CLPTM1: variants seen among roughly 807,000 people sequenced by gnomAD.
CLPTM1 encodes putative lipid scramblase CLPTM1.
Under a neutral mutation model 77.3 loss-of-function variants are expected in CLPTM1, and 21 were observed. The ratio of observed to expected loss-of-function variants is 0.27; its 90% CI spans 0.19 to 0.39. The LOEUF (loss-of-function observed/expected upper bound fraction) is 0.39, where lower values mean the gene tolerates loss of function less well. Ranked by LOEUF, CLPTM1 falls within the 10% of genes least tolerant of loss-of-function variation. The pLI, the probability that CLPTM1 is intolerant of heterozygous loss-of-function variation, is 1.00. For synonymous variants in CLPTM1, 373 were observed against 381.0 expected, an observed-to-expected ratio of 0.98 and a Z score of 0.24; for missense variants, 642 against 921.2, an observed-to-expected ratio of 0.70 and a Z score of 3.92.
chr19:44,980,293 G>A (rs1406710874), intron 5 of CLPTM1, among the ~76,000 whole-genome samples: 1 of 152,102 alleles, frequency 6.6e-6, no homozygotes, highest in Non-Finnish European at 1.5e-5. Context: ...CAGATCACTT[G>A]AGGTCAGGAC....
chr19:44,992,414 G>C lies in CLPTM1; in HGVS notation c.1723+14G>C, dbSNP rs1971089575. ...GCCTGCGGGACGGTGAGGCCCGGTGGGCAGGTGGGAGCTCCCACCGGAACA... is the reference window on the plus strand; with the variant it reads ...GCCTGCGGGACGGTGAGGCCCGGTGCGCAGGTGGGAGCTCCCACCGGAACA... On this transcript the variant is annotated intron_variant, in intron 13 of 13. Transcript: ENST00000337392. This position sits in a 1 kb window ranked among gnomAD's most constrained non-coding sequence, Gnocchi z 7.7. 6.2e-7 allele frequency: 1 copy of C among 1,613,886 alleles called. No individual in the cohort carries two copies. The highest frequency in any genetic ancestry group is 2.2e-5 in the East Asian group (1 of 44,862).
At chr19:44,985,001 T>C (rs1338330438) in intron 5 of CLPTM1, among the ~76,000 whole-genome samples, 1 of 152,034 alleles carries the variant, frequency 6.6e-6, no homozygotes, top group Admixed American at 6.6e-5. Flanking sequence ...CCTGGGGCAT[T>C]TGGTGATGGT....
rs769758877 is a variant in CLPTM1 at position 44,988,127 on chromosome 19, C to A, written c.1086C>A (p.Ile362=). Residue 362 remains isoleucine, a synonymous_variant, in exon 9 of 14, where the codon ATC becomes ATA. Transcript: ENST00000337392. ...CCTACCTGCTGGCGCTCACCATCATCGTGTCTATCGTTCACAGTGTCTTCG... is the reference window on the plus strand; with the variant it reads ...CCTACCTGCTGGCGCTCACCATCATAGTGTCTATCGTTCACAGTGTCTTCG... ...TNPYLLALTI[I]VSIVHSVFEF... 6.2e-7 allele frequency: 1 copy of A among 1,614,170 alleles called. No homozygotes were observed. Among genetic ancestry groups the A allele is most frequent in the East Asian group, 2.2e-5 (1 of 44,876 alleles).
In CLPTM1 at chr19:44,991,453, A is replaced by G; in HGVS notation, c.1555+80A>G. On this transcript the variant is annotated intron_variant, in intron 12 of 13. Transcript: ENST00000337392. The surrounding 1 kb of genome is among the most constrained non-coding windows in gnomAD (Gnocchi z 5.4). ...CAGCCCCAGTGTAGGAGACAGACCC[A>G]TCCCCAGACAGGGACAACCTAGGGT... 6.5e-7 allele frequency: 1 copy of G among 1,540,614 alleles called. No individual in the cohort carries two copies. Among genetic ancestry groups the G allele is most frequent in the Non-Finnish European group, 8.8e-7 (1 of 1,135,096 alleles).
Position 44,993,249 on chromosome 19 carries a change from C to G in CLPTM1, c.*352C>G. 2.0e-6 allele frequency: 1 copy of G among 504,540 alleles called. No individual in the cohort carries two copies. The highest frequency in any genetic ancestry group is 3.8e-6 in the Non-Finnish European group (1 of 262,046). 31.3% of individuals were successfully genotyped at this position (504,540 alleles called of 1,614,324 possible). A position where few individuals can be genotyped will look rare whatever the true frequency, so the allele number is the denominator to read the frequency against. On this transcript the variant is annotated 3_prime_UTR_variant, in exon 14 of 14. Coordinates refer to ENST00000337392, the MANE Select transcript of CLPTM1 (RefSeq NM_001294.4). ...GCCCACGGCCGTTCATCATCTTGTC[C>G]CTCGTCCCCCTACCACACTCCCCCT...
chr19:44,958,076 A>G (rs1029505036), intron 1 of CLPTM1, among the ~76,000 whole-genome samples: 1 of 152,154 alleles, frequency 6.6e-6, no homozygotes, highest in African/African-American at 2.4e-5. Flanking sequence ...AGGGGTGGGT[A>G]GAAGAGTTGC....
In CLPTM1 at chr19:44,992,164, GC is replaced by G. The variant is rs1173887184; in HGVS notation, c.1556-67del. The G allele has an allele frequency of 1.0e-5, 16 of 1,527,156 alleles. No homozygotes were observed. Among genetic ancestry groups the G allele is most frequent in the Non-Finnish European group, 1.2e-5 (13 of 1,108,256 alleles). 94.6% of individuals were successfully genotyped at this position (1,527,156 alleles called of 1,614,324 possible). ...AGGAAGTGGTGAGGGGGCTGGTATG[GC>G]CAGTGCAGAGTGCACAGGGGAGAGG... is the stretch of plus-strand genomic sequence containing the variant. On this transcript the variant is annotated intron_variant, in intron 12 of 13. Coordinates refer to ENST00000337392, the MANE Select transcript of CLPTM1 (RefSeq NM_001294.4). This position sits in a 1 kb window ranked among gnomAD's most constrained non-coding sequence, Gnocchi z 7.7.
intron 4 of CLPTM1, 127 bp downstream of exon 4, chr19:44,974,724 C>T (rs1365648715): frequency 8.4e-6 from 9 of 1,066,118 alleles, no homozygotes; most frequent in African/African-American, 1.6e-5. Context: ...TCCCTGGGCT[C>T]ACATGGTCTG....
chr19:44,959,646 G>A (rs141060742), intron 1 of CLPTM1, among the ~76,000 whole-genome samples: 41 of 152,308 alleles, frequency 2.7e-4, no homozygotes, highest in East Asian at 9.6e-4. Context: ...GAGCCACTGC[G>A]CCTGGTCTGG....
intron 5 of CLPTM1, among the ~76,000 whole-genome samples, chr19:44,979,590 AT>A (rs966542890): frequency 4.1e-4 from 62 of 151,808 alleles, no homozygotes; most frequent in Non-Finnish European, 7.7e-4. Context: ...AAGGATGGTA[AT>A]TTTTTTTTAT....
In CLPTM1 at chr19:44,991,093, C is replaced by A; in HGVS notation, c.1420-145C>A. The A allele has an allele frequency of 7.9e-7, 1 of 1,270,574 alleles. No individual in the cohort carries two copies. The highest frequency in any genetic ancestry group is 2.6e-5 in the Admixed American group (1 of 39,184). 78.7% of individuals were successfully genotyped at this position (1,270,574 alleles called of 1,614,324 possible). On this transcript the variant is annotated intron_variant, in intron 11 of 13. Coordinates refer to ENST00000337392, the MANE Select transcript of CLPTM1 (RefSeq NM_001294.4). This position sits in a 1 kb window ranked among gnomAD's most constrained non-coding sequence, Gnocchi z 5.4. ...GTCCCCCATCTGCCATAACTGCTTC[C>A]CTGGGCGAGTCCGGAGTCCCCAGGG...
intron 2 of CLPTM1, among the ~76,000 whole-genome samples, chr19:44,964,939 C>G (rs945939259): frequency 6.6e-6 from 1 of 152,088 alleles, no homozygotes; most frequent in African/African-American, 2.4e-5. Flanking sequence ...TTTCAAAGCC[C>G]AGCTTCTGTT....
In CLPTM1 at chr19:44,990,164, G is replaced by A; in HGVS notation, c.1133-231G>A. ...AAGGGACTGCACCTTGGGGTGCTGG[G>A]TGCTGACGTCCTATGGGAGGGCTCC... On this transcript the variant is annotated intron_variant, in intron 9 of 13. Coordinates refer to ENST00000337392, the MANE Select transcript of CLPTM1 (RefSeq NM_001294.4). This position sits in a 1 kb window ranked among gnomAD's most constrained non-coding sequence, Gnocchi z 4.8. 2 of 558,354 alleles carry A rather than the reference G, an allele frequency of 3.6e-6. No individual in the cohort carries two copies. Among genetic ancestry groups the A allele is most frequent in the Non-Finnish European group, 6.4e-6 (2 of 313,442 alleles). The allele number at this position is 558,354 out of a possible 1,614,324, so 34.6% of individuals were successfully genotyped here.
chr19:44,980,734 C>G (rs867674341), intron 5 of CLPTM1, among the ~76,000 whole-genome samples: 43 of 152,004 alleles, frequency 2.8e-4, no homozygotes, highest in Middle Eastern at 6.8e-3. Context: ...CAGAGGATCG[C>G]TTGAGCCCAG....
rs750258939 is a variant in CLPTM1, at chr19:44,974,485, A to G, written c.356A>G (p.Asn119Ser). 4.5e-5 allele frequency: 72 copies of G among 1,613,978 alleles called. No individual in the cohort carries two copies. The highest frequency in any genetic ancestry group is 2.4e-4 in the South Asian group (22 of 91,070). The change falls in exon 4 of 14, where the codon AAC (asparagine) becomes AGC (serine). Residue 119 changes from asparagine to serine, a missense_variant. Asn to Ser is a conservative substitution (Grantham distance 46). This residue lies in a region of CLPTM1 where 521 missense variants were observed against 800.4 expected (regional missense o/e 0.65). Transcript: ENST00000337392. Reference protein sequence around the residue: ...ISEHEHFTDFNATSALFWEQH... With the variant: ...ISEHEHFTDFSATSALFWEQH... ...GAGCACGAGCACTTTACAGACTTCA[A>G]CGCCACGTCGGCACTCTTCTGGGAA...
At chr19:44,954,706 G>C, upstream of CLPTM1, 3 of 1,198,516 alleles carry the variant, frequency 2.5e-6, no homozygotes, top group South Asian at 2.2e-5. Flanking sequence ...TGCGAGGTTT[G>C]GACCACTGAG....
chr19:44,957,435 G>C (rs115873701), intron 1 of CLPTM1, among the ~76,000 whole-genome samples: 5,998 of 152,332 alleles, frequency 0.039, 268 homozygotes, highest in African/African-American at 0.11. Flanking sequence ...AGGCACAGAG[G>C]AGGTGCTCAG....
chr19:44,988,237 T>A, intron 9 of CLPTM1, 64 bp downstream of exon 9: 6 of 1,167,516 alleles, frequency 5.1e-6, no homozygotes, highest in Non-Finnish European at 6.5e-6. Flanking sequence ...CCTGCCCCCT[T>A]CCTCCTCCCC....
At position 44,988,294 on chromosome 19, in the gene CLPTM1, T is replaced by G. The variant is rs1449822490; in HGVS notation, c.1132+121T>G. ...CCTGCCTGGGGTCTCTCAGCCCCACTCTCCAGAGGCCTAGTGAGCTGGGGA... is the reference window on the plus strand; with the variant it reads ...CCTGCCTGGGGTCTCTCAGCCCCACGCTCCAGAGGCCTAGTGAGCTGGGGA... On this transcript the variant is annotated intron_variant, in intron 9 of 13. Transcript: ENST00000337392. The G allele has an allele frequency of 8.0e-6, 6 of 750,704 alleles. No individual in the cohort carries two copies. In the African/African-American group the frequency reaches 8.6e-5, roughly 11 times the overall value. The allele number at this position is 750,704 out of a possible 1,614,324, so 46.5% of individuals were successfully genotyped here. A position where few individuals can be genotyped will look rare whatever the true frequency, so the allele number is the denominator to read the frequency against.
Sources: allele counts gnomAD v4.1 joint callset (sites outside exome capture counted in the v4.1 genomes callset), GRCh38; gene constraint gnomAD v4.1.1; regional missense constraint gnomAD v4.1.1; non-coding constraint Gnocchi (gnomAD v3.1); transcripts MANE v1.5; gene names NCBI Gene and HGNC (gene_info 2026-07-23, HGNC 2026-07-21).